FHIT: variants seen among roughly 807,000 people sequenced by gnomAD.
FHIT encodes the protein bis(5'-adenosyl)-triphosphatase.
Under a neutral mutation model 17.9 loss-of-function variants are expected in FHIT, and 19 were observed. The ratio of observed to expected loss-of-function variants is 1.06; its 90% CI spans 0.74 to 1.56. The LOEUF (loss-of-function observed/expected upper bound fraction) is 1.56. Among genes scored for constraint, FHIT ranks in the 40% most tolerant of loss-of-function variants. The pLI is 0.00. For missense variants in FHIT, 248 were observed against 189.2 expected (o/e 1.31, Z -1.82); for synonymous variants, 81 against 69.7 (o/e 1.16, Z -0.81).
At chr3:60,402,246 C>T (rs1181448796) in intron 5 of FHIT, among the ~76,000 whole-genome samples, 1 of 152,150 alleles carries the variant, frequency 6.6e-6, no homozygotes, top group Non-Finnish European at 1.5e-5. Flanking sequence ...TTCTTTTCCT[C>T]TCTAAATCTA....
chr3:59,820,313 ATCC>A (rs1215349748), intron 8 of FHIT, among the ~76,000 whole-genome samples: 1 of 152,230 alleles, frequency 6.6e-6, no homozygotes, highest in East Asian at 1.9e-4. Flanking sequence ...GGGCCAACAT[ATCC>A]TCAGCTGTCA....
At chr3:60,735,771 G>T (rs1439360847) in intron 4 of FHIT, among the ~76,000 whole-genome samples, 1 of 152,178 alleles carries the variant, frequency 6.6e-6, no homozygotes, top group Admixed American at 6.5e-5. Flanking sequence ...TTAAGCCACA[G>T]TTAGAGCTAG....
chr3:59,999,873 G>A (rs1217199081), intron 7 of FHIT, among the ~76,000 whole-genome samples: 1 of 152,114 alleles, frequency 6.6e-6, no homozygotes, highest in Non-Finnish European at 1.5e-5. Flanking sequence ...TTCCCAAAGT[G>A]CTGGGATTAC....
intron 5 of FHIT, among the ~76,000 whole-genome samples, chr3:60,342,498 G>T (rs1029151578): frequency 1.3e-5 from 2 of 152,166 alleles, no homozygotes; most frequent in African/African-American, 4.8e-5. Context: ...TATACAGTTT[G>T]TGTCTTTAAA....
chr3:60,150,340 A>T (rs2107328058), intron 5 of FHIT, among the ~76,000 whole-genome samples: 1 of 152,032 alleles, frequency 6.6e-6, no homozygotes, highest in Admixed American at 6.5e-5. Flanking sequence ...CGGTACTGTA[A>T]TTTCTCCTTG....
intron 5 of FHIT, among the ~76,000 whole-genome samples, chr3:60,209,650 C>G (rs528518515): frequency 6.6e-6 from 1 of 152,212 alleles, no homozygotes; most frequent in East Asian, 1.9e-4. Flanking sequence ...AAAAACCATT[C>G]AATAGGGCTT....
rs138939163 is a variant in FHIT at position 60,071,791 on chromosome 3, G to A, written c.104-57639C>T. The stretch of plus-strand genomic sequence containing the variant: ...TTCCCGTATGTTATGAGATGGACCC[G>A]GTGAGAGGTAATTGACCCATGGGGG... On this transcript the variant is annotated intron_variant, in intron 5 of 9. Transcript: ENST00000492590. Among the ~76,000 whole-genome samples the A allele has an allele frequency of 2.2e-3, 330 of 152,260 alleles. 1 individual carries two copies. The highest frequency in any genetic ancestry group is 5.5e-3 in the African/African-American group (230 of 41,554).
intron 8 of FHIT, among the ~76,000 whole-genome samples, chr3:59,753,720 C>A (rs1274653147): frequency 6.6e-6 from 1 of 152,108 alleles, no homozygotes; most frequent in African/African-American, 2.4e-5. Flanking sequence ...TCGTTTAATC[C>A]TTACAATAAC....
At chr3:60,331,846 C>CA (rs1470179296) in intron 5 of FHIT, among the ~76,000 whole-genome samples, 1 of 109,900 alleles carries the variant, frequency 9.1e-6, no homozygotes, top group African/African-American at 3.2e-5. Context: ...AACTCTGTCT[C>CA]GGAAAAAAAA....
chr3:60,330,225 T>C (rs540001496), intron 5 of FHIT, among the ~76,000 whole-genome samples: 7 of 152,292 alleles, frequency 4.6e-5, no homozygotes, highest in African/African-American at 1.7e-4. Flanking sequence ...AGACAATTGG[T>C]TCCTGGAGGG....
rs56071877 is a variant in FHIT at position 60,667,021 on chromosome 3, A to ATTTTT, written c.-17-130047_-17-130043dup. 6.2e-4 allele frequency among the ~76,000 whole-genome samples: 21 copies of ATTTTT among 34,126 alleles called. 3 individuals carry two copies. Among genetic ancestry groups the ATTTTT allele is most frequent in the African/African-American group, 1.6e-3 (16 of 9,738 alleles). The allele number at this position is 34,126 out of a possible 152,430, so 22.4% of individuals were successfully genotyped here. ...AGGTGTGCACCACCATGCCTGGTTAATTTTTTTTTTTTTTTTTTTTTTTTT... is the reference window on the plus strand; with the variant it reads ...AGGTGTGCACCACCATGCCTGGTTAATTTTTTTTTTTTTTTTTTTTTTTTTTTTTT... On this transcript the variant is annotated intron_variant, in intron 4 of 9. Coordinates refer to ENST00000492590, the MANE Select transcript of FHIT (RefSeq NM_002012.4).
chr3:60,763,146 C>T (rs1486643324), intron 4 of FHIT, among the ~76,000 whole-genome samples: 1 of 152,164 alleles, frequency 6.6e-6, no homozygotes, highest in African/African-American at 2.4e-5. Flanking sequence ...GTACTCCTGA[C>T]TCCACAGGCT....
At chr3:60,527,404 C>A (rs2035616090) in intron 5 of FHIT, among the ~76,000 whole-genome samples, 1 of 152,154 alleles carries the variant, frequency 6.6e-6, no homozygotes, top group African/African-American at 2.4e-5. Context: ...ATCTCTTGAA[C>A]TGAAAATTAA....
chr3:60,441,757 A>T (rs1242483181), intron 5 of FHIT, among the ~76,000 whole-genome samples: 25,550 of 55,686 alleles, frequency 0.46, 7,373 homozygotes, highest in African/African-American at 0.58. Flanking sequence ...TATATATAAA[A>T]ATATATATAT....
At chr3:60,863,673 G>GGTTACTACT (rs1704027306) in intron 3 of FHIT, among the ~76,000 whole-genome samples, 1 of 152,102 alleles carries the variant, frequency 6.6e-6, no homozygotes, top group Admixed American at 6.6e-5. Flanking sequence ...CCCTGGGTGA[G>GGTTACTACT]GTATTGAGGT....
At chr3:59,997,379 C>G (rs564379517) in intron 7 of FHIT, among the ~76,000 whole-genome samples, 3 of 152,072 alleles carry the variant, frequency 2.0e-5, no homozygotes, top group South Asian at 2.1e-4. Flanking sequence ...TTCAGAGAAG[C>G]AAAGTGTTGG....
chr3:59,996,137 G>A (rs1257774185), intron 7 of FHIT, among the ~76,000 whole-genome samples: 1 of 152,080 alleles, frequency 6.6e-6, no homozygotes, highest in African/African-American at 2.4e-5. Context: ...ACTAAGCAGA[G>A]ACCTCCCCAT....
intron 3 of FHIT, among the ~76,000 whole-genome samples, chr3:60,890,589 C>A (rs1705465085): frequency 6.6e-6 from 1 of 152,216 alleles, no homozygotes; most frequent in Non-Finnish European, 1.5e-5. Flanking sequence ...TGCATCTAAA[C>A]TTGGTACAAT....
At chr3:60,929,893 C>T (rs1707854087) in intron 3 of FHIT, among the ~76,000 whole-genome samples, 1 of 152,196 alleles carries the variant, frequency 6.6e-6, no homozygotes, top group Non-Finnish European at 1.5e-5. Context: ...AAAAAAGAGC[C>T]TGCATTGCCA....
Sources: allele counts gnomAD v4.1 joint callset (sites outside exome capture counted in the v4.1 genomes callset), GRCh38; gene constraint gnomAD v4.1.1; transcripts MANE v1.5; gene names NCBI Gene and HGNC (gene_info 2026-07-23, HGNC 2026-07-21).